The following PCDHGB1 variants were observed in gnomAD, a reference collection of about 807,000 sequenced individuals.
PCDHGB1 encodes protocadherin gamma-B1.
In PCDHGB1, 34 loss-of-function variants were observed where a neutral mutation model predicts 56.6. The ratio of observed to expected loss-of-function variants is 0.60; its 90% CI spans 0.46 to 0.80. PCDHGB1 has a LOEUF of 0.80. Ranked by LOEUF, PCDHGB1 falls within the 30% of genes least tolerant of loss-of-function variation. The probability of loss-of-function intolerance (pLI) is 0.00; values close to 1 mark genes in which losing one functional copy is unlikely to be tolerated. For synonymous variants in PCDHGB1, 561 were observed against 505.9 expected, an observed-to-expected ratio of 1.11 and a Z score of -1.46; for missense variants, 1,278 against 1,204.6, an observed-to-expected ratio of 1.06 and a Z score of -0.90.
At chr5:141,395,205 C>T (rs770683946) in intron 1 of PCDHGB1, 2 of 1,613,660 alleles carry the variant, frequency 1.2e-6, no homozygotes, top group Non-Finnish European at 1.7e-6. Flanking sequence ...CGTAGATTTT[C>T]ATGAATATAA....
intron 1 of PCDHGB1, chr5:141,392,777 A>T (rs1226924811): frequency 6.5e-7 from 1 of 1,529,322 alleles, no homozygotes; most frequent in Admixed American, 2.2e-5. Context: ...ATTTATGCAC[A>T]GTGAAGATTC....
At position 141,351,323 on chromosome 5, in the gene PCDHGB1, G is replaced by C. The variant is rs1326758145; in HGVS notation, c.1063G>C (p.Asp355His). The change falls in exon 1 of 4, where the codon GAT (aspartate) becomes CAT (histidine). Residue 355 changes from aspartate to histidine, a missense_variant. Coordinates refer to ENST00000523390, the MANE Select transcript of PCDHGB1 (RefSeq NM_018922.3). ...FMSFSNQIPE[D>H]SDLGTVIALI... ...GTCCTTCTCTAACCAGATTCCAGAGGATTCAGACCTTGGAACTGTAATAGC... is the reference window on the plus strand; with the variant it reads ...GTCCTTCTCTAACCAGATTCCAGAGCATTCAGACCTTGGAACTGTAATAGC... The C allele has an allele frequency of 6.2e-7, 1 of 1,613,832 alleles. No homozygotes were observed. The highest frequency in any genetic ancestry group is 1.7e-5 in the Admixed American group (1 of 60,010).
intron 1 of PCDHGB1, among the ~76,000 whole-genome samples, chr5:141,464,442 G>A (rs890758574): frequency 3.3e-5 from 5 of 151,500 alleles, no homozygotes; most frequent in African/African-American, 1.2e-4. Flanking sequence ...TATGTTTGTT[G>A]TTGTTGTTGT....
intron 1 of PCDHGB1, chr5:141,422,075 G>A (rs1192481253): frequency 1.9e-6 from 3 of 1,612,092 alleles, no homozygotes; most frequent in East Asian, 2.2e-5. Flanking sequence ...TATTCATTTC[G>A]GAACATGGAA....
At chr5:141,418,128 T>C (rs1386757111) in intron 1 of PCDHGB1, 1 of 1,614,090 alleles carries the variant, frequency 6.2e-7, no homozygotes, top group South Asian at 1.1e-5. Flanking sequence ...AAGGACCGAA[T>C]AGACCGTGAG....
At chr5:141,382,105 G>A (rs1265846285) in intron 1 of PCDHGB1, among the ~76,000 whole-genome samples, 7 of 152,166 alleles carry the variant, frequency 4.6e-5, no homozygotes, top group African/African-American at 1.7e-4. Flanking sequence ...TGGGATTACA[G>A]GCGTGAGCAA....
chr5:141,499,037 G>A (rs912832519), intron 2 of PCDHGB1, among the ~76,000 whole-genome samples: 1 of 150,904 alleles, frequency 6.6e-6, no homozygotes, highest in South Asian at 2.1e-4. Context: ...AGAAAAGAAA[G>A]AAAAAGGGAG....
chr5:141,370,217 G>A, intron 1 of PCDHGB1: 2 of 562,852 alleles, frequency 3.6e-6, no homozygotes, highest in East Asian at 5.9e-5. Context: ...GGCTCCTCCC[G>A]CTGCAGCCAG....
At chr5:141,505,151 G>T (rs2099844154) in intron 2 of PCDHGB1, among the ~76,000 whole-genome samples, 1 of 152,164 alleles carries the variant, frequency 6.6e-6, no homozygotes, top group Non-Finnish European at 1.5e-5. Context: ...GACAGAGTAA[G>T]ACCCTGTCTA....
At chr5:141,409,700 G>C (rs1561722120) in intron 1 of PCDHGB1, 4 of 1,613,280 alleles carry the variant, frequency 2.5e-6, no homozygotes, top group Non-Finnish European at 3.4e-6. Context: ...AGAGCCCCTG[G>C]CGGTGTCGTC....
At chr5:141,421,423 C>T in intron 1 of PCDHGB1, 1 of 1,614,052 alleles carries the variant, frequency 6.2e-7, no homozygotes, top group Non-Finnish European at 8.5e-7. Context: ...GCGCGGAGTC[C>T]GCATCGTCTC....
intron 1 of PCDHGB1, chr5:141,373,858 G>A: frequency 2.2e-6 from 1 of 460,298 alleles, no homozygotes. Context: ...CGTCGCTGTT[G>A]ACCAACCTGG....
intron 1 of PCDHGB1, among the ~76,000 whole-genome samples, chr5:141,439,459 A>ACTG (rs1234039449): frequency 6.6e-6 from 1 of 152,222 alleles, no homozygotes; most frequent in Non-Finnish European, 1.5e-5. Flanking sequence ...GCAAGACTGC[A>ACTG]CTGCTGCCTT....
intron 2 of PCDHGB1, among the ~76,000 whole-genome samples, chr5:141,496,557 C>T (rs190275684): frequency 2.0e-5 from 3 of 152,258 alleles, no homozygotes; most frequent in Admixed American, 1.3e-4. Flanking sequence ...TGGGCATGCA[C>T]AGTCCTGTCA....
intron 1 of PCDHGB1, chr5:141,403,720 C>G (rs1266419119): frequency 1.2e-6 from 2 of 1,613,874 alleles, no homozygotes; most frequent in Middle Eastern, 1.6e-4. Context: ...AGAACGTGCC[C>G]CCAGGCACCT....
intron 1 of PCDHGB1, chr5:141,404,600 C>G (rs1406207982): frequency 6.2e-7 from 1 of 1,613,938 alleles, no homozygotes; most frequent in Non-Finnish European, 8.5e-7. Flanking sequence ...GTCATTGAGA[C>G]TGTTTGTTTT....
intron 1 of PCDHGB1, chr5:141,399,630 G>A: frequency 1.9e-6 from 3 of 1,613,874 alleles, no homozygotes; most frequent in Non-Finnish European, 1.7e-6. Flanking sequence ...CCTCTTACGT[G>A]TCCATGAGCG....
Position 141,350,233 on chromosome 5 carries a change from G to T in PCDHGB1, c.-28G>T. ...TTTCTTTTTGAAAAACATCCCAGAGGAAAGAAGCTCCGCGGAGAGTTCCTG... is the reference window on the plus strand; with the variant it reads ...TTTCTTTTTGAAAAACATCCCAGAGTAAAGAAGCTCCGCGGAGAGTTCCTG... On this transcript the variant is annotated 5_prime_UTR_variant, in exon 1 of 4. Coordinates refer to ENST00000523390, the MANE Select transcript of PCDHGB1 (RefSeq NM_018922.3). 6.7e-7 allele frequency: 1 copy of T among 1,502,698 alleles called. No individual in the cohort carries two copies. The highest frequency in any genetic ancestry group is 8.9e-7 in the Non-Finnish European group (1 of 1,127,642). 93.1% of individuals were successfully genotyped at this position (1,502,698 alleles called of 1,614,324 possible).
chr5:141,511,400 T>A lies in PCDHGB1; in HGVS notation c.*227T>A, dbSNP rs1208021848. On this transcript the variant is annotated 3_prime_UTR_variant, in exon 4 of 4. Coordinates refer to ENST00000523390, the MANE Select transcript of PCDHGB1 (RefSeq NM_018922.3). ...AGTTCCGCTGGGAACCCCCATCCAA[T>A]CAACTGCTGTACCCATGGGGGTAGT... 1.1e-5 allele frequency: 11 copies of A among 982,132 alleles called. No individual in the cohort carries two copies. Among genetic ancestry groups the A allele is most frequent in the African/African-American group, 3.3e-5 (2 of 60,924 alleles). 60.8% of individuals were successfully genotyped at this position (982,132 alleles called of 1,614,324 possible).
Sources: gnomAD v4.1 joint callset for allele counts (sites outside exome capture counted in the v4.1 genomes callset) on GRCh38, gnomAD v4.1.1 for gene constraint, MANE v1.5 for transcripts, NCBI Gene and HGNC (gene_info 2026-07-23, HGNC 2026-07-21) for gene names.